NF2: variants seen among roughly 807,000 people sequenced by gnomAD.
NF2 encodes NF2, moesin-ezrin-radixin like (MERLIN) tumor suppressor.
A neutral mutation model predicts 83.7 loss-of-function variants in NF2; 8 were observed. That is an observed-to-expected ratio of 0.10 (90% confidence interval 0.06 to 0.17). The LOEUF is 0.17. Among genes scored for constraint, NF2 ranks in the 10% least tolerant of loss-of-function variants. The pLI, the probability that NF2 is intolerant of heterozygous loss-of-function variation, is 1.00. For synonymous variants in NF2, 266 were observed against 269.6 expected (o/e 0.99, Z 0.13); for missense variants, 533 against 744.4 (o/e 0.72, Z 3.31).
intron 1 of NF2, among the ~76,000 whole-genome samples, chr22:29,620,043 T>A (rs55646014): frequency 0.051 from 7,727 of 152,254 alleles, 465 homozygotes; most frequent in African/African-American, 0.13. Context: ...CCAGATCACT[T>A]GAGGCCAGGA....
chr22:29,647,390 G>A (rs2066011839), intron 4 of NF2, among the ~76,000 whole-genome samples: 1 of 152,156 alleles, frequency 6.6e-6, no homozygotes, highest in Non-Finnish European at 1.5e-5. Context: ...GGAGAGGTAT[G>A]CAAAAAATCA....
chr22:29,653,302 G>A (rs1442144058), intron 4 of NF2, among the ~76,000 whole-genome samples: 2 of 151,982 alleles, frequency 1.3e-5, no homozygotes, highest in Admixed American at 6.6e-5. Flanking sequence ...AAATTAGCCC[G>A]GGGTGGTGGC....
chr22:29,627,146 G>A lies in NF2; in HGVS notation c.115-9605G>A, dbSNP rs531935120. On this transcript the variant is annotated intron_variant, in intron 1 of 15. Transcript: ENST00000338641. ...TTAAGATACAGAATGAGATGTTAAA[G>A]GATCAAAAGAAAATTATCGTAGCAA... 2.6e-5 allele frequency among the ~76,000 whole-genome samples: 4 copies of A among 152,236 alleles called. No homozygotes were observed. The East Asian group carries it at 7.7e-4, about 29-fold the overall frequency.
chr22:29,677,701 C>A (rs1319140015), intron 13 of NF2, among the ~76,000 whole-genome samples: 1 of 152,188 alleles, frequency 6.6e-6, no homozygotes, highest in African/African-American at 2.4e-5. Flanking sequence ...GTCCGGCAGA[C>A]CTTCTCCTGG....
chr22:29,681,632 G>C (rs2067140028), intron 15 of NF2, 31 bp downstream of exon 15: 3 of 1,613,280 alleles, frequency 1.9e-6, no homozygotes, highest in South Asian at 1.1e-5. Context: ...GTATTTTGCT[G>C]ATCAGGACCA....
chr22:29,696,264 G>A lies in NF2; in HGVS notation c.*1462G>A, dbSNP rs921876758. ...AATGTTCTGTATTTTTAATAGGGAC[G>A]GGGTTTTGCCATGTTAGCTAGGCTG... On this transcript the variant is annotated 3_prime_UTR_variant, in exon 16 of 16. Transcript: ENST00000338641. The A allele has an allele frequency of 1.9e-5, 4 of 214,596 alleles. No individual in the cohort carries two copies. Among genetic ancestry groups the A allele is most frequent in the Non-Finnish European group, 3.8e-5 (4 of 106,508 alleles). The allele number at this position is 214,596 out of a possible 1,614,324, so 13.3% of individuals were successfully genotyped here.
At position 29,650,299 on chromosome 22, in the gene NF2, A is replaced by G. The variant is rs186257702; in HGVS notation, c.448-4358A>G. ...ATGTCATAATTTAACTTTCAATAACAGTGTGTGAGAATACCTGTTTTTCCA... is the reference window on the plus strand; with the variant it reads ...ATGTCATAATTTAACTTTCAATAACGGTGTGTGAGAATACCTGTTTTTCCA... On this transcript the variant is annotated intron_variant, in intron 4 of 15. Transcript: ENST00000338641. Among the ~76,000 whole-genome samples the G allele has an allele frequency of 3.3e-5, 5 of 152,338 alleles. No individual in the cohort carries two copies. The East Asian group carries it at 9.6e-4, about 29-fold the overall frequency.
At position 29,655,805 on chromosome 22, in the gene NF2, G is replaced by GGA. The variant is rs958116066; in HGVS notation, c.599+133_599+134dup. On this transcript the variant is annotated intron_variant, in intron 6 of 15. Coordinates refer to ENST00000338641, the MANE Select transcript of NF2 (RefSeq NM_000268.4). ...GTACTGAAGTCTATAAAAGAAAAGG[G>GGA]GAGAGCTGGGGAGCTGGGAGTAACG... 1.2e-5 allele frequency: 9 copies of GGA among 747,104 alleles called. No homozygotes were observed. In the African/African-American group the frequency reaches 1.3e-4, roughly 10 times the overall value. 46.3% of individuals were successfully genotyped at this position (747,104 alleles called of 1,614,324 possible).
chr22:29,695,678 C>T lies in NF2; in HGVS notation c.*876C>T, dbSNP rs149840456. ...GTCAGCACCCGTAACCCGGCTATGA[C>T]CAGGGATCTGTAAGCCCTGTGGCTC... is the stretch of plus-strand genomic sequence containing the variant. On this transcript the variant is annotated 3_prime_UTR_variant, in exon 16 of 16. Coordinates refer to ENST00000338641, the MANE Select transcript of NF2 (RefSeq NM_000268.4). This position sits in a 1 kb window ranked among gnomAD's most constrained non-coding sequence, Gnocchi z 5.4. The T allele has an allele frequency of 6.0e-5, 14 of 233,790 alleles. No individual in the cohort carries two copies. The highest frequency in any genetic ancestry group is 3.1e-4 in the African/African-American group (14 of 45,466). The allele number at this position is 233,790 out of a possible 1,614,324, so 14.5% of individuals were successfully genotyped here. A position where few individuals can be genotyped will look rare whatever the true frequency, so the allele number is the denominator to read the frequency against.
At chr22:29,622,423 C>T (rs1039931679) in intron 1 of NF2, among the ~76,000 whole-genome samples, 1 of 152,056 alleles carries the variant, frequency 6.6e-6, no homozygotes, top group South Asian at 2.1e-4. Flanking sequence ...TAAGCATTGT[C>T]TAGTTGCATA....
intron 12 of NF2, 41 bp downstream of exon 12, chr22:29,673,527 G>A (rs936671378): frequency 1.4e-5 from 22 of 1,575,540 alleles, no homozygotes; most frequent in Middle Eastern, 2.2e-4. Context: ...GGAGGCTGGC[G>A]AAGGGCCGCA....
chr22:29,697,427 C>T lies in NF2; in HGVS notation c.*2625C>T, dbSNP rs1359278274. ...CTTCCCCCTCCTTGAGGCAGGAATA[C>T]TGAGGTGCCTCCCCACAGATGGAGA... On this transcript the variant is annotated 3_prime_UTR_variant, in exon 16 of 16. Transcript: ENST00000338641. The T allele has an allele frequency of 1.0e-5, 2 of 190,928 alleles. No individual in the cohort carries two copies. Among genetic ancestry groups the T allele is most frequent in the Non-Finnish European group, 1.1e-5 (1 of 91,130 alleles). 11.8% of individuals were successfully genotyped at this position (190,928 alleles called of 1,614,324 possible).
intron 7 of NF2, 140 bp downstream of exon 7, chr22:29,658,404 G>A (rs1270010166): frequency 3.6e-6 from 3 of 824,594 alleles, no homozygotes; most frequent in Non-Finnish European, 6.2e-6. Context: ...AGGAAGGAAA[G>A]AGAGGTCTTA....
At chr22:29,627,764 A>G (rs1041258375) in intron 1 of NF2, among the ~76,000 whole-genome samples, 1 of 152,190 alleles carries the variant, frequency 6.6e-6, no homozygotes, top group African/African-American at 2.4e-5. Flanking sequence ...CCAGAGTTTA[A>G]AAGCTCCATT....
chr22:29,671,680 A>G lies in NF2; in HGVS notation c.1000-146A>G, dbSNP rs1209212872. 4 of 1,118,130 alleles carry G rather than the reference A, an allele frequency of 3.6e-6. No homozygotes were observed. The African/African-American group carries it at 6.2e-5, about 17-fold the overall frequency. The allele number at this position is 1,118,130 out of a possible 1,614,324, so 69.3% of individuals were successfully genotyped here. A position where few individuals can be genotyped will look rare whatever the true frequency, so the allele number is the denominator to read the frequency against. On this transcript the variant is annotated intron_variant, in intron 10 of 15. Transcript: ENST00000338641. ...GGTTTAGAAGGACGGGGTGGGGGGC[A>G]ATAAGAATGACCCTGGCTACCTAAA... is the stretch of plus-strand genomic sequence containing the variant.
At chr22:29,612,079 CTCA>C (rs2064966927) in intron 1 of NF2, among the ~76,000 whole-genome samples, 1 of 152,168 alleles carries the variant, frequency 6.6e-6, no homozygotes, top group African/African-American at 2.4e-5. Flanking sequence ...GCGATCTCGG[CTCA>C]CTGCAACCTC....
At chr22:29,659,794 C>G (rs1485293918) in intron 7 of NF2, among the ~76,000 whole-genome samples, 1 of 152,158 alleles carries the variant, frequency 6.6e-6, no homozygotes, top group African/African-American at 2.4e-5. Flanking sequence ...AATGAAACAT[C>G]TCATTTTCCA....
chr22:29,636,507 G>A lies in NF2; in HGVS notation c.115-244G>A, dbSNP rs1044594085. Among the ~76,000 whole-genome samples the A allele has an allele frequency of 2.0e-5, 3 of 152,278 alleles. No homozygotes were observed. Among genetic ancestry groups the A allele is most frequent in the Middle Eastern group, 3.4e-3 (1 of 294 alleles). Reference sequence around the variant, plus strand: ...AGCAGCTTTGGAGATGTTAAAATCCGTAAGGAACTGTCCAAGGGATGTATT... The same window carrying A: ...AGCAGCTTTGGAGATGTTAAAATCCATAAGGAACTGTCCAAGGGATGTATT... On this transcript the variant is annotated intron_variant, in intron 1 of 15. Transcript: ENST00000338641. The surrounding 1 kb of genome is among the most constrained non-coding windows in gnomAD (Gnocchi z 4.4).
intron 15 of NF2, among the ~76,000 whole-genome samples, chr22:29,685,784 A>G (rs778803554): frequency 4.0e-4 from 61 of 152,102 alleles, no homozygotes; most frequent in Admixed American, 3.7e-3. Flanking sequence ...TGGTTTCAGC[A>G]GTACCCATGG....
Sources: allele counts gnomAD v4.1 joint callset (sites outside exome capture counted in the v4.1 genomes callset), GRCh38; gene constraint gnomAD v4.1.1; non-coding constraint Gnocchi (gnomAD v3.1); transcripts MANE v1.5; gene names NCBI Gene and HGNC (gene_info 2026-07-23, HGNC 2026-07-21).